PRKCE: variants seen among roughly 807,000 people sequenced by gnomAD.
PRKCE encodes the protein protein kinase C epsilon type.
Under a neutral mutation model 85.4 loss-of-function variants are expected in PRKCE, and 16 were observed. The ratio of observed to expected loss-of-function variants is 0.19; its 90% CI spans 0.13 to 0.28. PRKCE has a LOEUF of 0.28. Among genes scored for constraint, PRKCE ranks in the 10% least tolerant of loss-of-function variants. The probability of loss-of-function intolerance (pLI) is 1.00; values close to 1 mark genes in which losing one functional copy is unlikely to be tolerated. For missense variants in PRKCE, 573 were observed against 975.2 expected, an observed-to-expected ratio of 0.59 and a Z score of 5.49; for synonymous variants, 388 against 371.5, an observed-to-expected ratio of 1.04 and a Z score of -0.51.
intron 1 of PRKCE, among the ~76,000 whole-genome samples, chr2:45,825,520 C>G (rs1376412974): frequency 6.6e-6 from 1 of 152,132 alleles, no homozygotes; most frequent in Non-Finnish European, 1.5e-5. Context: ...ACACAAACCT[C>G]ACTTTGCAAA....
At chr2:46,133,551 A>G (rs1674670597) in intron 11 of PRKCE, among the ~76,000 whole-genome samples, 1 of 152,226 alleles carries the variant, frequency 6.6e-6, no homozygotes, top group Non-Finnish European at 1.5e-5. Context: ...TGAATATATC[A>G]GTGATTGTAA....
intron 1 of PRKCE, among the ~76,000 whole-genome samples, chr2:45,842,286 C>T (rs1366922392): frequency 6.6e-6 from 1 of 152,132 alleles, no homozygotes; most frequent in African/African-American, 2.4e-5. Context: ...TCCCTTCCCT[C>T]TTCCCTTCCG....
At chr2:46,010,922 A>T in intron 10 of PRKCE, 1 of 1,448,840 alleles carries the variant, frequency 6.9e-7, no homozygotes, top group African/African-American at 1.4e-5. Context: ...AATCTCTTCT[A>T]ATCTGTGTAA....
intron 1 of PRKCE, among the ~76,000 whole-genome samples, chr2:45,842,556 T>G (rs184761480): frequency 6.6e-6 from 1 of 152,212 alleles, no homozygotes; most frequent in East Asian, 1.9e-4. Context: ...GGGCACAATT[T>G]CCATATCTGT....
intron 1 of PRKCE, among the ~76,000 whole-genome samples, chr2:45,660,591 G>A (rs531849823): frequency 2.6e-4 from 40 of 152,140 alleles, no homozygotes; most frequent in Admixed American, 1.4e-3. Flanking sequence ...AAATTCCGGC[G>A]CCTGAACTCA....
chr2:45,941,953 G>A (rs1282515267), intron 2 of PRKCE, among the ~76,000 whole-genome samples: 2 of 152,210 alleles, frequency 1.3e-5, no homozygotes, highest in African/African-American at 2.4e-5. Context: ...AATCAAGCAA[G>A]AGGCTGCTGC....
intron 11 of PRKCE, among the ~76,000 whole-genome samples, chr2:46,118,903 C>G (rs1299547466): frequency 6.6e-6 from 1 of 152,156 alleles, no homozygotes; most frequent in Non-Finnish European, 1.5e-5. Flanking sequence ...ATTCGAACAA[C>G]CTGACTGAAT....
intron 1 of PRKCE, among the ~76,000 whole-genome samples, chr2:45,829,081 TTAAA>T (rs1218186496): frequency 1.3e-5 from 2 of 152,150 alleles, no homozygotes; most frequent in African/African-American, 4.8e-5. Context: ...TACAATTTAT[TTAAA>T]TAATTTTATT....
At position 46,038,934 on chromosome 2, in the gene PRKCE, C is replaced by T. The variant is rs1045526093; in HGVS notation, c.1437+28417C>T. Among the ~76,000 whole-genome samples the T allele has an allele frequency of 3.9e-5, 6 of 152,124 alleles. No homozygotes were observed. The South Asian group carries it at 1.2e-3, about 32-fold the overall frequency. ...AGACCTTACCAATAAACATTTGAAGCGCCAATATAGTTCCTGGCTGAAAAT... is the reference window on the plus strand; with the variant it reads ...AGACCTTACCAATAAACATTTGAAGTGCCAATATAGTTCCTGGCTGAAAAT... On this transcript the variant is annotated intron_variant, in intron 10 of 14. Coordinates refer to ENST00000306156, the MANE Select transcript of PRKCE (RefSeq NM_005400.3).
chr2:46,106,066 G>A (rs534410267), intron 11 of PRKCE, among the ~76,000 whole-genome samples: 1 of 151,960 alleles, frequency 6.6e-6, no homozygotes, highest in South Asian at 2.1e-4. Context: ...AATATTTCTA[G>A]GCTATGTGGT....
chr2:45,780,228 C>T (rs1160248449), intron 1 of PRKCE, among the ~76,000 whole-genome samples: 1 of 152,232 alleles, frequency 6.6e-6, no homozygotes, highest in African/African-American at 2.4e-5. Context: ...AAGGTCTATA[C>T]GTTGCATTTG....
intron 14 of PRKCE, among the ~76,000 whole-genome samples, chr2:46,171,320 C>A (rs144373057): frequency 6.6e-6 from 1 of 152,220 alleles, no homozygotes; most frequent in Non-Finnish European, 1.5e-5. Flanking sequence ...TACGAAATAA[C>A]CCCAAAAGAC....
chr2:46,013,783 GA>G (rs909087828), intron 10 of PRKCE, among the ~76,000 whole-genome samples: 4 of 152,000 alleles, frequency 2.6e-5, no homozygotes, highest in African/African-American at 9.7e-5. Context: ...CAATATATCG[GA>G]AAAAAATGGT....
intron 2 of PRKCE, among the ~76,000 whole-genome samples, chr2:45,916,545 GAAAT>G (rs1697795155): frequency 6.6e-6 from 1 of 152,150 alleles, no homozygotes; most frequent in South Asian, 2.1e-4. Context: ...TGCACCCAAT[GAAAT>G]AAGCCATTTC....
At chr2:45,755,101 A>G (rs1683893764) in intron 1 of PRKCE, among the ~76,000 whole-genome samples, 1 of 152,194 alleles carries the variant, frequency 6.6e-6, no homozygotes, top group East Asian at 1.9e-4. Context: ...ATTTTGGCAC[A>G]CAGCAGTCCT....
intron 2 of PRKCE, among the ~76,000 whole-genome samples, chr2:45,951,892 G>A (rs1464954368): frequency 6.6e-6 from 1 of 152,218 alleles, no homozygotes; most frequent in Non-Finnish European, 1.5e-5. Flanking sequence ...GAGCACAGGG[G>A]CGCCATCTTG....
At chr2:45,810,165 T>C (rs58125714) in intron 1 of PRKCE, among the ~76,000 whole-genome samples, 6 of 151,864 alleles carry the variant, frequency 4.0e-5, no homozygotes, top group African/African-American at 1.4e-4. Flanking sequence ...CTCAGCCTCC[T>C]GAGTAGCTGG....
chr2:45,968,977 G>T (rs1325593323), intron 2 of PRKCE, among the ~76,000 whole-genome samples: 1 of 151,744 alleles, frequency 6.6e-6, no homozygotes, highest in East Asian at 1.9e-4. Context: ...GCACGGTACA[G>T]ACCCCATTTT....
intron 10 of PRKCE, among the ~76,000 whole-genome samples, chr2:46,077,027 C>CA (rs1384823000): frequency 1.3e-5 from 2 of 152,062 alleles, no homozygotes; most frequent in Non-Finnish European, 2.9e-5. Context: ...CCAAAAGGCA[C>CA]AAAGTTTCAG....
Sources: allele counts gnomAD v4.1 joint callset (sites outside exome capture counted in the v4.1 genomes callset), GRCh38; gene constraint gnomAD v4.1.1; transcripts MANE v1.5; gene names NCBI Gene and HGNC (gene_info 2026-07-23, HGNC 2026-07-21).